Variants in DUS2 observed in about 807,000 individuals in gnomAD.
DUS2 encodes the protein tRNA-dihydrouridine(20) synthase [NAD(P)+]-like.
A neutral mutation model predicts 71.3 loss-of-function variants in DUS2; 52 were observed. That is an observed-to-expected ratio of 0.73 (90% CI 0.58 to 0.92). The LOEUF (loss-of-function observed/expected upper bound fraction) is 0.92. Among genes scored for constraint, DUS2 ranks in the 40% least tolerant of loss-of-function variants. The probability of loss-of-function intolerance (pLI) is 0.00; values close to 1 mark genes in which losing one functional copy is unlikely to be tolerated. For missense variants in DUS2, 558 were observed against 622.6 expected, an observed-to-expected ratio of 0.90 and a Z score of 1.10; for synonymous variants, 204 against 227.8, an observed-to-expected ratio of 0.90 and a Z score of 0.94.
chr16:68,064,956 G>C (rs1007451878), intron 8 of DUS2, among the ~76,000 whole-genome samples: 6 of 152,196 alleles, frequency 3.9e-5, no homozygotes, highest in African/African-American at 1.4e-4. Flanking sequence ...GCTCTGCTAG[G>C]CAGAGATCCA....
At chr16:68,053,922 A>T (rs780673827) in intron 5 of DUS2, 2 of 440,826 alleles carry the variant, frequency 4.5e-6, no homozygotes, top group Non-Finnish European at 8.2e-6. Flanking sequence ...TCTGTTTGGC[A>T]TGATTTCTCT....
chr16:68,078,340 T>G, intron 15 of DUS2, 105 bp from the exon 16 acceptor site: 1 of 1,102,720 alleles, frequency 9.1e-7, no homozygotes, highest in South Asian at 1.3e-5. Context: ...TTCATTTGAC[T>G]TAGGTTGGAA....
intron 4 of DUS2, among the ~76,000 whole-genome samples, chr16:68,050,498 G>A (rs1218434954): frequency 6.6e-6 from 1 of 152,072 alleles, no homozygotes; most frequent in Non-Finnish European, 1.5e-5. Context: ...ATAGATCTGT[G>A]TAACCTAGAA....
chr16:68,058,402 A>G (rs2033891963), intron 7 of DUS2, among the ~76,000 whole-genome samples: 1 of 151,692 alleles, frequency 6.6e-6, no homozygotes, highest in South Asian at 2.1e-4. Context: ...TTTTTTTTGT[A>G]TTTTTAGTAG....
At chr16:68,037,787 T>G (rs991162866) in intron 2 of DUS2, 11 of 311,004 alleles carry the variant, frequency 3.5e-5, no homozygotes, top group Non-Finnish European at 6.0e-5. Context: ...ATAATCCCAG[T>G]TACTTGGGTT....
intron 10 of DUS2, among the ~76,000 whole-genome samples, chr16:68,068,306 G>A (rs1464436549): frequency 6.6e-6 from 1 of 152,194 alleles, no homozygotes; most frequent in Non-Finnish European, 1.5e-5. Context: ...GCAAAGCAGA[G>A]TTGCTTGGGT....
rs531129788 is a variant in DUS2 at position 68,030,455 on chromosome 16, A to G, written c.-19+4961A>G. On this transcript the variant is annotated intron_variant, in intron 2 of 16. Coordinates refer to ENST00000565263, the MANE Select transcript of DUS2 (RefSeq NM_017803.5). ...CTGAAAACACAAAAATTGGCCGGGCATGGTGGTTAATTTTTGTCCCAGCTA... is the reference window on the plus strand; with the variant it reads ...CTGAAAACACAAAAATTGGCCGGGCGTGGTGGTTAATTTTTGTCCCAGCTA... 2.6e-5 allele frequency among the ~76,000 whole-genome samples: 4 copies of G among 152,168 alleles called. No individual in the cohort carries two copies. In the South Asian group the frequency reaches 6.2e-4, roughly 24 times the overall value.
rs776983360 is a variant in DUS2 at position 68,075,361 on chromosome 16, C to A, written c.939C>A (p.Ala313=). ...TCTGCTTCTTCCTCCCTAGTGAGGC[C>A]TTTGGCCTTGGTGCCTTCTATGAGG... The part of the protein sequence containing the change: ...AAQSSREICE[A]FGLGAFYEET... Residue 313 remains alanine (A), a synonymous_variant, in exon 14 of 17, where the codon GCC becomes GCA. Coordinates refer to ENST00000565263, the MANE Select transcript of DUS2 (RefSeq NM_017803.5). 3.7e-6 allele frequency: 6 copies of A among 1,607,098 alleles called. No homozygotes were observed. In the African/African-American group the frequency reaches 5.3e-5, roughly 14 times the overall value.
chr16:68,035,706 G>A (rs1157606946), intron 2 of DUS2, among the ~76,000 whole-genome samples: 71 of 143,524 alleles, frequency 4.9e-4, no homozygotes, highest in African/African-American at 1.7e-3. Flanking sequence ...TTCATTCTAT[G>A]TGGTTTTTTT....
chr16:68,041,632 G>A (rs2033626187), intron 3 of DUS2, among the ~76,000 whole-genome samples: 1 of 152,060 alleles, frequency 6.6e-6, no homozygotes, highest in East Asian at 1.9e-4. Flanking sequence ...GGCCAGCATG[G>A]TGAAGCTCTG....
chr16:68,037,047 C>T (rs1383714120), intron 2 of DUS2, among the ~76,000 whole-genome samples: 1 of 151,740 alleles, frequency 6.6e-6, no homozygotes, highest in Non-Finnish European at 1.5e-5. Flanking sequence ...ATTTGTTATG[C>T]TTTTTGTTTT....
At chr16:68,034,492 A>G (rs1185136932) in intron 2 of DUS2, among the ~76,000 whole-genome samples, 21 of 152,200 alleles carry the variant, frequency 1.4e-4, no homozygotes, top group Admixed American at 1.4e-3. Flanking sequence ...AACCGGGACT[A>G]TAGGCATGTG....
chr16:68,038,686 C>T (rs182581819), intron 3 of DUS2, among the ~76,000 whole-genome samples: 6 of 149,090 alleles, frequency 4.0e-5, no homozygotes, highest in South Asian at 2.1e-4. Flanking sequence ...GCAAAGATCA[C>T]GCCACTGCAC....
At chr16:68,065,684 G>T (rs1255055787) in intron 8 of DUS2, among the ~76,000 whole-genome samples, 1 of 152,072 alleles carries the variant, frequency 6.6e-6, no homozygotes, top group East Asian at 1.9e-4. Context: ...TTGCTGTGTT[G>T]CCCAGGCTGG....
Position 68,030,585 on chromosome 16 carries a change from C to A in DUS2, c.-19+5091C>A, listed in dbSNP as rs553954834. 2.8e-4 allele frequency among the ~76,000 whole-genome samples: 43 copies of A among 151,410 alleles called. No individual in the cohort carries two copies. The South Asian group carries it at 5.4e-3, about 19-fold the overall frequency. ...TAGCCTGGGTGACAGAGTGAGACTC[C>A]ATCTCAAAAAATAAATAAATAAATA... On this transcript the variant is annotated intron_variant, in intron 2 of 16. Transcript: ENST00000565263.
chr16:68,033,516 G>T (rs975371680), intron 2 of DUS2, among the ~76,000 whole-genome samples: 1 of 151,590 alleles, frequency 6.6e-6, no homozygotes, highest in Non-Finnish European at 1.5e-5. Context: ...ACAGGGTCTT[G>T]CTCTGTCACC....
chr16:68,066,050 T>C (rs998294640), intron 8 of DUS2, among the ~76,000 whole-genome samples: 1 of 152,200 alleles, frequency 6.6e-6, no homozygotes, highest in Non-Finnish European at 1.5e-5. Flanking sequence ...CGCGTACCCA[T>C]TCACTCACTC....
intron 4 of DUS2, among the ~76,000 whole-genome samples, chr16:68,051,320 G>C (rs2033775737): frequency 6.6e-6 from 1 of 152,174 alleles, no homozygotes; most frequent in Non-Finnish European, 1.5e-5. Context: ...GGTTAGGTTT[G>C]TGCAAGCCTC....
At chr16:68,078,560 G>A (rs777245355) in intron 16 of DUS2, 42 bp downstream of exon 16, 6 of 1,595,740 alleles carry the variant, frequency 3.8e-6, no homozygotes, top group East Asian at 2.2e-5. Flanking sequence ...GGGGTGGGGC[G>A]GAGAGTGGGC....
Sources: allele counts gnomAD v4.1 joint callset (sites outside exome capture counted in the v4.1 genomes callset), GRCh38; gene constraint gnomAD v4.1.1; transcripts MANE v1.5; gene names NCBI Gene and HGNC (gene_info 2026-07-23, HGNC 2026-07-21).